Variants in HLX observed in about 807,000 individuals in gnomAD.
HLX encodes H2.0-like homeobox protein.
HLX carries 6 observed loss-of-function variants against 27.7 expected under a neutral mutation model. The ratio of observed to expected loss-of-function variants is 0.22; its 90% CI spans 0.12 to 0.43. The LOEUF is 0.43. HLX is among the 20% of genes least tolerant of loss of function. HLX has a pLI of 1.00. For missense variants in HLX, 666 were observed against 655.2 expected (o/e 1.02, Z -0.18); for synonymous variants, 328 against 293.8 (o/e 1.12, Z -1.19).
chr1:220,882,203 C>G lies in HLX; in HGVS notation c.812C>G (p.Thr271Arg), dbSNP rs773092598. ...CTCACGAAGGACACCATGCCGCAGACGTACAAAAGGAAGCGTTCATGGTCG... is the reference window on the plus strand; with the variant it reads ...CTCACGAAGGACACCATGCCGCAGAGGTACAAAAGGAAGCGTTCATGGTCG... ...AVLTKDTMPQ[T>R]YKRKRSWSRA... Residue 271 changes from threonine to arginine, a missense_variant, in exon 3 of 4, where the codon ACG (threonine) becomes AGG (arginine). Physicochemically the swap from Thr to Arg is moderately conservative, Grantham distance 71. Transcript: ENST00000366903. 1.9e-6 allele frequency: 3 copies of G among 1,614,198 alleles called. No homozygotes were observed. Among genetic ancestry groups the G allele is most frequent in the Non-Finnish European group, 2.5e-6 (3 of 1,180,020 alleles).
In HLX at chr1:220,880,484, C is replaced by T. The variant is rs369297391; in HGVS notation, c.592+35C>T. 226 of 1,610,792 alleles carry T rather than the reference C, an allele frequency of 1.4e-4. No homozygotes were observed. The African/African-American group carries it at 2.1e-3, about 15-fold the overall frequency. ...GGGCGGGAGGCTGCAGGCCTCTGAC[C>T]ACTGACCCACTCCCCGGACCCCGGG... On this transcript the variant is annotated intron_variant, in intron 1 of 3. Coordinates refer to ENST00000366903, the MANE Select transcript of HLX (RefSeq NM_021958.4).
intron 2 of HLX, 37 bp from the exon 3 acceptor site, chr1:220,882,127 C>T (rs1208805435): frequency 2.5e-6 from 4 of 1,608,810 alleles, no homozygotes; most frequent in Non-Finnish European, 8.5e-7. Flanking sequence ...GAACGGCCCT[C>T]TTGTCTTTCT....
intron 2 of HLX, 105 bp from the exon 3 acceptor site, chr1:220,882,059 C>T (rs1285893422): frequency 9.7e-7 from 1 of 1,027,500 alleles, no homozygotes; most frequent in Non-Finnish European, 1.5e-6. Flanking sequence ...ACAGTTAACA[C>T]GAAACAGTTT....
chr1:220,882,542 G>T (rs1392543478), intron 3 of HLX, 194 bp downstream of exon 3: 17 of 595,016 alleles, frequency 2.9e-5, no homozygotes, highest in Non-Finnish European at 4.5e-5. Flanking sequence ...TGAGGGAGAA[G>T]GACCGAGAGA....
In HLX at chr1:220,884,250, A is replaced by G; in HGVS notation, c.1013A>G (p.Gln338Arg). 1 of 1,613,974 alleles carries G rather than the reference A, an allele frequency of 6.2e-7. No homozygotes were observed. The highest frequency in any genetic ancestry group is 8.5e-7 in the Non-Finnish European group (1 of 1,180,000). ...RMKWRHSKEAQAQKDKDKEAG... is the reference protein window; with the variant it reads ...RMKWRHSKEARAQKDKDKEAG... Reference sequence around the variant, plus strand: ...AAGTGGCGGCACTCCAAGGAGGCCCAGGCCCAAAAGGACAAGGACAAGGAG... The same window carrying G: ...AAGTGGCGGCACTCCAAGGAGGCCCGGGCCCAAAAGGACAAGGACAAGGAG... Residue 338 changes from glutamine to arginine, a missense_variant, in exon 4 of 4, where the codon CAG becomes CGG. Gln to Arg is a conservative substitution (Grantham distance 43). Coordinates refer to ENST00000366903, the MANE Select transcript of HLX (RefSeq NM_021958.4). The surrounding 1 kb of genome is among the most constrained non-coding windows in gnomAD (Gnocchi z 4.9).
intron 2 of HLX, 31 bp downstream of exon 2, chr1:220,881,404 G>C: frequency 1.9e-6 from 3 of 1,581,806 alleles, no homozygotes; most frequent in Non-Finnish European, 2.6e-6. Flanking sequence ...ACTGCCTAAC[G>C]GGCGAGCCGA....
At chr1:220,881,057 T>A in intron 1 of HLX, 137 bp from the exon 2 acceptor site, 1 of 796,220 alleles carries the variant, frequency 1.3e-6, no homozygotes, top group Non-Finnish European at 2.1e-6. Flanking sequence ...AGAGAGAGGT[T>A]TCAGCGCCTA....
In HLX at chr1:220,882,343, G is replaced by A. The variant is rs1265702941; in HGVS notation, c.952G>A (p.Ala318Thr). ...QLAAMLGLTD[A>T]QVKVWFQNRR... ...GGCGGCGATGCTGGGCCTCACGGAC[G>A]CACAGGTAAGGCAGTTCTGGCTCCA... Residue 318 changes from alanine (A) to threonine (T), a missense_variant, in exon 3 of 4, where the codon GCA becomes ACA. Ala to Thr is a moderately conservative substitution (Grantham distance 58). Coordinates refer to ENST00000366903, the MANE Select transcript of HLX (RefSeq NM_021958.4). 3.1e-6 allele frequency: 5 copies of A among 1,613,936 alleles called. No homozygotes were observed. The highest frequency in any genetic ancestry group is 4.2e-6 in the Non-Finnish European group (5 of 1,179,980).
rs773956210 is a variant in HLX, at chr1:220,880,091, G to C, written c.234G>C (p.Ser78=). Residue 78 remains serine, a synonymous_variant, in exon 1 of 4, where the codon TCG becomes TCC. Transcript: ENST00000366903. ...SAAALTAHLG[S]VHPHASFQAA... is the part of the protein sequence containing the mutation. Reference sequence around the variant, plus strand: ...CCGCCCTCACCGCGCACTTGGGCTCGGTTCACCCGCACGCCTCTTTCCAAG... The same window carrying C: ...CCGCCCTCACCGCGCACTTGGGCTCCGTTCACCCGCACGCCTCTTTCCAAG... 6.3e-7 allele frequency: 1 copy of C among 1,596,206 alleles called. No individual in the cohort carries two copies. Among genetic ancestry groups the C allele is most frequent in the Non-Finnish European group, 8.5e-7 (1 of 1,173,490 alleles).
In HLX at chr1:220,879,912, G is replaced by A; in HGVS notation, c.55G>A (p.Ala19Thr). 6.3e-7 allele frequency: 1 copy of A among 1,594,874 alleles called. No homozygotes were observed. ...CGCCTCCAACTTCAGCCTCTGGTCGGCCGCTTACTGCTCCTCGGCCGGCCC... is the reference window on the plus strand; with the variant it reads ...CGCCTCCAACTTCAGCCTCTGGTCGACCGCTTACTGCTCCTCGGCCGGCCC... ...FYASNFSLWS[A>T]AYCSSAGPGG... Residue 19 changes from alanine (A) to threonine (T), a missense_variant, in exon 1 of 4, where the codon GCC becomes ACC. Transcript: ENST00000366903.
intron 3 of HLX, chr1:220,883,977 A>G (rs1674512275): frequency 1.7e-6 from 1 of 600,276 alleles, no homozygotes. Context: ...AAACGGTCTT[A>G]GTGGGTTCCC....
chr1:220,884,932 G>A lies in HLX; in HGVS notation c.*228G>A, dbSNP rs983617576. 16 of 664,644 alleles carry A rather than the reference G, an allele frequency of 2.4e-5. No individual in the cohort carries two copies. The highest frequency in any genetic ancestry group is 3.7e-5 in the Non-Finnish European group (15 of 402,366). The allele number at this position is 664,644 out of a possible 1,614,324, so 41.2% of individuals were successfully genotyped here. Reference sequence around the variant, plus strand: ...GCTAGCCAGCCGAACACTTCTCTCCGGAAGCAGGCTGGTTCGACTGTGAGG... The same window carrying A: ...GCTAGCCAGCCGAACACTTCTCTCCAGAAGCAGGCTGGTTCGACTGTGAGG... On this transcript the variant is annotated 3_prime_UTR_variant, in exon 4 of 4. Coordinates refer to ENST00000366903, the MANE Select transcript of HLX (RefSeq NM_021958.4). This position sits in a 1 kb window ranked among gnomAD's most constrained non-coding sequence, Gnocchi z 4.9.
intron 1 of HLX, 165 bp downstream of exon 1, chr1:220,880,614 C>T: frequency 1.4e-6 from 1 of 715,686 alleles, no homozygotes; most frequent in Non-Finnish European, 2.4e-6. Flanking sequence ...AGGTCTAAAA[C>T]TCACCTGTTC....
At chr1:220,880,486 C>T (rs760947451) in intron 1 of HLX, 37 bp downstream of exon 1, 2 of 1,610,284 alleles carry the variant, frequency 1.2e-6, no homozygotes, top group Non-Finnish European at 1.7e-6. Flanking sequence ...CCTCTGACCA[C>T]TGACCCACTC....
chr1:220,881,406 G>A (rs1248084777), intron 2 of HLX, 33 bp downstream of exon 2: 15 of 1,574,828 alleles, frequency 9.5e-6, no homozygotes, highest in Non-Finnish European at 1.1e-5. Context: ...TGCCTAACGG[G>A]CGAGCCGACT....
At position 220,879,581 on chromosome 1, in the gene HLX, C is replaced by CA. The variant is rs1674377406; in HGVS notation, c.-277_-276insA. 6.2e-6 allele frequency: 3 copies of CA among 487,348 alleles called. No homozygotes were observed. Among genetic ancestry groups the CA allele is most frequent in the African/African-American group, 6.2e-5 (3 of 48,758 alleles). 30.2% of individuals were successfully genotyped at this position (487,348 alleles called of 1,614,324 possible). ...TCCCCCGCCCGCCCTGCGGCCCCAG[C>CA]GCCCCTCGCTCTCATCCAGCCCGCG... is the stretch of plus-strand genomic sequence containing the variant. On this transcript the variant is annotated 5_prime_UTR_variant, in exon 1 of 4. Coordinates refer to ENST00000366903, the MANE Select transcript of HLX (RefSeq NM_021958.4).
intron 1 of HLX, chr1:220,880,803 A>G (rs1278551747): frequency 1.0e-5 from 4 of 399,268 alleles, no homozygotes; most frequent in Non-Finnish European, 1.8e-5. Flanking sequence ...ACACTTTCGC[A>G]CTTATCTGAT....
chr1:220,882,610 G>T, intron 3 of HLX: 1 of 501,028 alleles, frequency 2.0e-6, no homozygotes, highest in East Asian at 3.4e-5. Flanking sequence ...TGGCCAACAG[G>T]CTAAAGAACC....
rs1164605374 is a variant in HLX at position 220,880,079 on chromosome 1, G to C, written c.222G>C (p.Ala74=). ...GGGCCTCGGCCGCCGCCCTCACCGC[G>C]CACTTGGGCTCGGTTCACCCGCACG... The part of the protein sequence containing the change: ...LAGASAAALT[A]HLGSVHPHAS... Residue 74 remains alanine (A), a synonymous_variant, in exon 1 of 4, where the codon GCG becomes GCC. Coordinates refer to ENST00000366903, the MANE Select transcript of HLX (RefSeq NM_021958.4). 4 of 1,592,168 alleles carry C rather than the reference G, an allele frequency of 2.5e-6. No homozygotes were observed. The highest frequency in any genetic ancestry group is 3.4e-6 in the Non-Finnish European group (4 of 1,172,540).
Sources: allele counts gnomAD v4.1 joint callset, GRCh38; gene constraint gnomAD v4.1.1; non-coding constraint Gnocchi (gnomAD v3.1); transcripts MANE v1.5; gene names NCBI Gene and HGNC (gene_info 2026-07-23, HGNC 2026-07-21).